Variants in WDR35 observed in about 807,000 individuals in gnomAD.
WDR35 encodes WD repeat-containing protein 35.
Under a neutral mutation model 158.3 loss-of-function variants are expected in WDR35, and 118 were observed. The observed-to-expected ratio is 0.75, with a 90% confidence interval of 0.64 to 0.87. The LOEUF (loss-of-function observed/expected upper bound fraction) is 0.87, where lower values mean the gene tolerates loss of function less well. WDR35 is among the 40% of genes least tolerant of loss of function. WDR35 has a pLI of 0.00. For missense variants in WDR35, 1,263 were observed against 1,405.8 expected (o/e 0.90, Z 1.62); for synonymous variants, 448 against 476.1 (o/e 0.94, Z 0.77).
intron 5 of WDR35, among the ~76,000 whole-genome samples, chr2:19,978,179 T>TAC (rs1006171833): frequency 1.3e-4 from 19 of 145,002 alleles, no homozygotes; most frequent in South Asian, 7.0e-4. Flanking sequence ...TACATGAAGT[T>TAC]ACACACACAC....
At chr2:19,929,395 T>C (rs1357196722) in intron 25 of WDR35, among the ~76,000 whole-genome samples, 1 of 152,198 alleles carries the variant, frequency 6.6e-6, no homozygotes, top group Non-Finnish European at 1.5e-5. Context: ...CATATGGTGA[T>C]GATGTGAGCA....
At chr2:19,941,079 A>G (rs182070443) in intron 17 of WDR35, among the ~76,000 whole-genome samples, 1 of 152,270 alleles carries the variant, frequency 6.6e-6, no homozygotes, top group African/African-American at 2.4e-5. Context: ...ATTGCCACTA[A>G]CTTCTGGAAA....
rs769433246 is a variant in WDR35 at position 19,960,615 on chromosome 2, C to G, written c.1195-1G>C. 6.2e-7 allele frequency: 1 copy of G among 1,606,814 alleles called. No homozygotes were observed. Among genetic ancestry groups the G allele is most frequent in the Non-Finnish European group, 8.5e-7 (1 of 1,174,690 alleles). ...TAGAATTACAAAGAACTAGTACAAA[C>G]TGTGAACAAATAAAACAAAAAGTAT... On this transcript the variant is annotated splice_acceptor_variant, in intron 10 of 26. Coordinates refer to ENST00000281405, the MANE Select transcript of WDR35 (RefSeq NM_020779.4). LOFTEE classifies it high-confidence loss of function.
At chr2:19,946,945 A>C (rs1671079928) in intron 14 of WDR35, among the ~76,000 whole-genome samples, 1 of 152,218 alleles carries the variant, frequency 6.6e-6, no homozygotes, top group Non-Finnish European at 1.5e-5. Flanking sequence ...GTTAAATTAC[A>C]TATGTATATG....
intron 11 of WDR35, among the ~76,000 whole-genome samples, chr2:19,959,471 T>A (rs182109512): frequency 3.3e-5 from 5 of 151,990 alleles, no homozygotes; most frequent in Non-Finnish European, 4.4e-5. Context: ...CTAATGTGTA[T>A]ATATATGTGT....
chr2:19,947,612 G>A (rs1223053226), intron 14 of WDR35, among the ~76,000 whole-genome samples: 4 of 152,080 alleles, frequency 2.6e-5, no homozygotes, highest in African/African-American at 9.7e-5. Flanking sequence ...TTACTGGCTG[G>A]CAAACATGTT....
rs866989716 is a variant in WDR35 at position 19,969,743 on chromosome 2, C to T, written c.883-138G>A. 619 of 814,442 alleles carry T rather than the reference C, an allele frequency of 7.6e-4. 6 individuals carry two copies. In the African/African-American group the frequency reaches 8.9e-3, roughly 12 times the overall value. 50.5% of individuals were successfully genotyped at this position (814,442 alleles called of 1,614,324 possible). ...TACTAGTCACTTTAAAATCATGTTT[C>T]TTGAATTTTTTTTTTTTTTTTTGAG... is the stretch of plus-strand genomic sequence containing the variant. On this transcript the variant is annotated intron_variant, in intron 8 of 26. Coordinates refer to ENST00000281405, the MANE Select transcript of WDR35 (RefSeq NM_020779.4).
chr2:19,941,863 T>A (rs1205325873), intron 16 of WDR35, 24 bp from the exon 17 acceptor site: 1 of 1,482,058 alleles, frequency 6.7e-7, no homozygotes, highest in Non-Finnish European at 9.3e-7. Context: ...AAAAAAGTTA[T>A]GTTTCATTAT....
chr2:19,985,258 C>T (rs560459154), intron 2 of WDR35, among the ~76,000 whole-genome samples: 1 of 147,472 alleles, frequency 6.8e-6, no homozygotes, highest in South Asian at 2.2e-4. Flanking sequence ...AGAAATGCCA[C>T]CTCAATCCTA....
chr2:19,965,485 C>A (rs1176879590), intron 10 of WDR35, among the ~76,000 whole-genome samples: 1 of 152,220 alleles, frequency 6.6e-6, no homozygotes, highest in African/African-American at 2.4e-5. Flanking sequence ...AGGCTTTTCT[C>A]TTGAACAGGT....
intron 3 of WDR35, among the ~76,000 whole-genome samples, chr2:19,981,237 G>C (rs1203214212): frequency 6.6e-6 from 1 of 152,086 alleles, no homozygotes; most frequent in Admixed American, 6.5e-5. Context: ...AAACACTCTT[G>C]AGCATATCTT....
intron 14 of WDR35, among the ~76,000 whole-genome samples, chr2:19,947,158 T>C (rs114201790): frequency 0.017 from 2,525 of 152,314 alleles, 40 homozygotes; most frequent in Non-Finnish European, 0.025. Flanking sequence ...AAGGTTGACA[T>C]ATCAACAGTA....
intron 4 of WDR35, among the ~76,000 whole-genome samples, chr2:19,979,739 C>T (rs1307056011): frequency 6.6e-6 from 1 of 150,418 alleles, no homozygotes; most frequent in Admixed American, 6.7e-5. Context: ...ACAAAGTTTA[C>T]TCCAGTCCAC....
At chr2:19,961,662 G>T (rs1020745814) in intron 10 of WDR35, among the ~76,000 whole-genome samples, 2 of 152,320 alleles carry the variant, frequency 1.3e-5, no homozygotes, top group Admixed American at 1.3e-4. Context: ...CAAAGCAAAA[G>T]CAGACCGCCA....
intron 7 of WDR35, 116 bp downstream of exon 7, chr2:19,974,352 T>C: frequency 1.8e-6 from 2 of 1,091,714 alleles, no homozygotes; most frequent in Non-Finnish European, 2.6e-6. Context: ...GAAGTTGCCG[T>C]GAGCCAAGAT....
rs1362894328 is a variant in WDR35, at chr2:19,910,630, A to AAT, written c.*2926_*2927dup. Reference sequence around the variant, plus strand: ...ATAACTGTTTAATGATGCTGTCTTCAATATACTACCTAATTCTGTTTATGC... The same window carrying AAT: ...ATAACTGTTTAATGATGCTGTCTTCAATATATACTACCTAATTCTGTTTATGC... On this transcript the variant is annotated 3_prime_UTR_variant, in exon 27 of 27. Coordinates refer to ENST00000281405, the MANE Select transcript of WDR35 (RefSeq NM_020779.4). 1 of 152,246 alleles carries AAT rather than the reference A, an allele frequency of 6.6e-6. No homozygotes were observed. The highest frequency in any genetic ancestry group is 1.5e-5 in the Non-Finnish European group (1 of 68,050). 9.4% of individuals were successfully genotyped at this position (152,246 alleles called of 1,614,324 possible).
intron 10 of WDR35, among the ~76,000 whole-genome samples, chr2:19,965,547 G>A (rs904147395): frequency 1.3e-5 from 2 of 152,192 alleles, no homozygotes; most frequent in African/African-American, 4.8e-5. Flanking sequence ...TCAATGCTTG[G>A]CTGCCAGTGT....
intron 11 of WDR35, among the ~76,000 whole-genome samples, chr2:19,957,672 C>T (rs1263462630): frequency 2.0e-5 from 3 of 151,968 alleles, no homozygotes; most frequent in African/African-American, 7.3e-5. Context: ...CCTGCCACAG[C>T]CTCCCAAGTA....
intron 12 of WDR35, among the ~76,000 whole-genome samples, chr2:19,952,740 C>T (rs1301367771): frequency 7.0e-6 from 1 of 143,176 alleles, no homozygotes; most frequent in Admixed American, 6.9e-5. Context: ...ATTTTTCAAT[C>T]TTTTTTTCCT....
Sources: gnomAD v4.1 joint callset for allele counts (sites outside exome capture counted in the v4.1 genomes callset) on GRCh38, gnomAD v4.1.1 for gene constraint, MANE v1.5 for transcripts, NCBI Gene and HGNC (gene_info 2026-07-23, HGNC 2026-07-21) for gene names.